Variants in RPS6KC1 observed in about 807,000 individuals in gnomAD.
RPS6KC1 encodes the protein inactive ribosomal protein S6 kinase delta-1.
In RPS6KC1, 54 loss-of-function variants were observed where a neutral mutation model predicts 103.8. That is an observed-to-expected ratio of 0.52 (90% confidence interval 0.42 to 0.65). RPS6KC1 has a LOEUF of 0.65. Ranked by LOEUF, RPS6KC1 falls within the 30% of genes least tolerant of loss-of-function variation. RPS6KC1 has a pLI of 0.00. For synonymous variants in RPS6KC1, 439 were observed against 438.7 expected, an observed-to-expected ratio of 1.00 and a Z score of -0.01; for missense variants, 1,151 against 1,253.8, an observed-to-expected ratio of 0.92 and a Z score of 1.24.
the RPS6KC1 span, among the ~76,000 whole-genome samples, chr1:213,473,670 C>T: frequency 1.3e-5 from 2 of 152,166 alleles, no homozygotes; most frequent in Non-Finnish European, 2.9e-5. Context: ...ACCTCCCACC[C>T]GCCAAGTCCA....
In RPS6KC1 at chr1:213,129,825, C is replaced by T. The variant is rs573792172; in HGVS notation, c.771C>T (p.Asp257=). 1.1e-4 allele frequency: 171 copies of T among 1,612,704 alleles called. No homozygotes were observed. The highest frequency in any genetic ancestry group is 4.2e-4 in the Admixed American group (25 of 59,700). The change falls in exon 6 of 15, where the codon GAC becomes GAT. Residue 257 remains aspartate, a synonymous_variant. Coordinates refer to ENST00000366960, the MANE Select transcript of RPS6KC1 (RefSeq NM_012424.6). ...IKLALKKEEE[D]DYEAASDFYR... ...TGGCTTTAAAAAAGGAAGAAGAAGA[C>T]GACTATGAAGCTGCTTCTGATTTTT...
At chr1:213,122,850 A>G (rs778934148) in intron 5 of RPS6KC1, among the ~76,000 whole-genome samples, 31 of 152,086 alleles carry the variant, frequency 2.0e-4, no homozygotes, top group Non-Finnish European at 4.6e-4. Context: ...GACAAAAACA[A>G]CAGGTCATTT....
Position 213,191,378 on chromosome 1 carries a change from T to C in RPS6KC1, c.1044+14886T>C, listed in dbSNP as rs562195574. 9.8e-5 allele frequency among the ~76,000 whole-genome samples: 15 copies of C among 152,296 alleles called. No homozygotes were observed. The East Asian group carries it at 2.9e-3, about 29-fold the overall frequency. On this transcript the variant is annotated intron_variant, in intron 8 of 14. Transcript: ENST00000366960. ...TTCACTTCTTTGGTTAATTCCTAGG[T>C]ATTTAATTTTATTTGTAGCTATTGT...
the RPS6KC1 span, among the ~76,000 whole-genome samples, chr1:213,618,488 G>A: frequency 5.9e-5 from 9 of 152,206 alleles, no homozygotes; most frequent in Non-Finnish European, 1.0e-4. Flanking sequence ...ATAAGTTGGG[G>A]ATTATGCATG....
At chr1:213,254,260 T>G (rs1295962521) in intron 12 of RPS6KC1, among the ~76,000 whole-genome samples, 1 of 152,230 alleles carries the variant, frequency 6.6e-6, no homozygotes, top group African/African-American at 2.4e-5. Context: ...CTAAACAGTT[T>G]GCACATGTTT....
the RPS6KC1 span, among the ~76,000 whole-genome samples, chr1:213,308,062 A>C: frequency 5.3e-5 from 8 of 152,268 alleles, no homozygotes; most frequent in South Asian, 2.1e-4. Context: ...CTGTAATCTG[A>C]GCACTTTGGG....
At chr1:213,093,319 TC>T (rs1358606266) in intron 3 of RPS6KC1, among the ~76,000 whole-genome samples, 1 of 151,716 alleles carries the variant, frequency 6.6e-6, no homozygotes, top group African/African-American at 2.4e-5. Context: ...CAAGAGATTC[TC>T]CTGCCTCAGC....
the RPS6KC1 span, among the ~76,000 whole-genome samples, chr1:213,722,557 G>A: frequency 6.6e-6 from 1 of 152,110 alleles, no homozygotes; most frequent in Non-Finnish European, 1.5e-5. Context: ...ACCCTGTCTT[G>A]GGTGTATTTG....
the RPS6KC1 span, among the ~76,000 whole-genome samples, chr1:213,512,440 G>A: frequency 6.6e-6 from 1 of 152,170 alleles, no homozygotes; most frequent in Non-Finnish European, 1.5e-5. Context: ...AGCCCTTTCT[G>A]AGTGGCTGTA....
chr1:213,083,808 A>T (rs1164994573), intron 3 of RPS6KC1, among the ~76,000 whole-genome samples: 1 of 152,160 alleles, frequency 6.6e-6, no homozygotes, highest in Non-Finnish European at 1.5e-5. Flanking sequence ...AACCAGGATT[A>T]GTCTGTATGA....
chr1:213,154,855 G>A (rs904075022), intron 6 of RPS6KC1, among the ~76,000 whole-genome samples: 1 of 152,216 alleles, frequency 6.6e-6, no homozygotes, highest in African/African-American at 2.4e-5. Flanking sequence ...AATTGGTAAT[G>A]TGCTGAGTCT....
intron 8 of RPS6KC1, among the ~76,000 whole-genome samples, chr1:213,178,333 A>G (rs141973356): frequency 0.03 from 4,584 of 152,090 alleles, 220 homozygotes; most frequent in African/African-American, 0.1. Flanking sequence ...TGAGACCAGG[A>G]GTTCGAGACC....
chr1:213,338,559 G>A, the RPS6KC1 span, among the ~76,000 whole-genome samples: 48 of 152,264 alleles, frequency 3.2e-4, 1 homozygote, highest in African/African-American at 1.1e-3. Flanking sequence ...CTTGGATATC[G>A]ACTAATTGAA....
At chr1:213,563,112 A>G in the RPS6KC1 span, among the ~76,000 whole-genome samples, 1 of 152,136 alleles carries the variant, frequency 6.6e-6, no homozygotes, top group Admixed American at 6.5e-5. Flanking sequence ...TTTCTCTTTG[A>G]AAGTCTATTA....
At chr1:213,226,461 A>G (rs1011725715) in intron 8 of RPS6KC1, among the ~76,000 whole-genome samples, 2 of 152,208 alleles carry the variant, frequency 1.3e-5, no homozygotes, top group Non-Finnish European at 2.9e-5. Context: ...AAGGGCAGCT[A>G]TGGAGAGAAT....
chr1:213,178,282 G>A (rs2092024601), intron 8 of RPS6KC1, among the ~76,000 whole-genome samples: 1 of 151,756 alleles, frequency 6.6e-6, no homozygotes, highest in African/African-American at 2.4e-5. Flanking sequence ...GCTCATGCCT[G>A]TAATCTCAGC....
chr1:213,373,811 C>T, the RPS6KC1 span, among the ~76,000 whole-genome samples: 2 of 152,292 alleles, frequency 1.3e-5, no homozygotes, highest in East Asian at 1.9e-4. Flanking sequence ...ATCTTTAACA[C>T]GATGCCCTAT....
the RPS6KC1 span, chr1:213,832,752 T>C: frequency 6.6e-6 from 1 of 152,228 alleles, no homozygotes; most frequent in Non-Finnish European, 1.5e-5. Context: ...TTCATCTCTT[T>C]AACATGATTG....
At chr1:213,552,268 A>AAAAC in the RPS6KC1 span, among the ~76,000 whole-genome samples, 13 of 152,234 alleles carry the variant, frequency 8.5e-5, no homozygotes, top group Non-Finnish European at 1.5e-4. Flanking sequence ...GTTTTCTAAG[A>AAAAC]AAACAAACAA....
Sources: gnomAD v4.1 joint callset for allele counts (sites outside exome capture counted in the v4.1 genomes callset) on GRCh38, gnomAD v4.1.1 for gene constraint, MANE v1.5 for transcripts, NCBI Gene and HGNC (gene_info 2026-07-23, HGNC 2026-07-21) for gene names.